The following EXOC4 variants were observed in gnomAD, a reference collection of about 807,000 sequenced individuals.
The protein encoded by EXOC4 is exocyst complex component 4.
EXOC4 carries 71 observed loss-of-function variants against 107.2 expected under a neutral mutation model. The observed-to-expected ratio is 0.66, with a 90% CI of 0.55 to 0.81. EXOC4 has a LOEUF of 0.81. Ranked by LOEUF, EXOC4 falls within the 30% of genes least tolerant of loss-of-function variation. The probability of loss-of-function intolerance (pLI) is 0.00; values close to 1 mark genes in which losing one functional copy is unlikely to be tolerated. For synonymous variants in EXOC4, 456 were observed against 441.2 expected (o/e 1.03, Z -0.42); for missense variants, 1,108 against 1,189.6 (o/e 0.93, Z 1.01).
At chr7:133,339,963 A>G (rs1367711253) in intron 5 of EXOC4, among the ~76,000 whole-genome samples, 1 of 152,202 alleles carries the variant, frequency 6.6e-6, no homozygotes, top group Non-Finnish European at 1.5e-5. Flanking sequence ...GAACACGGAC[A>G]GTTTCACTTC....
At chr7:133,454,992 G>A (rs1319110101) in intron 7 of EXOC4, among the ~76,000 whole-genome samples, 5 of 152,034 alleles carry the variant, frequency 3.3e-5, no homozygotes, top group African/African-American at 1.2e-4. Context: ...AGGCTGAGGC[G>A]GGAGGATTGC....
At chr7:134,008,370 A>G (rs1260507498) in intron 17 of EXOC4, among the ~76,000 whole-genome samples, 1 of 152,190 alleles carries the variant, frequency 6.6e-6, no homozygotes, top group Non-Finnish European at 1.5e-5. Context: ...ACGTTCGTTA[A>G]TACTCCTTGA....
chr7:133,656,385 ATG>A (rs558484372), intron 10 of EXOC4, among the ~76,000 whole-genome samples: 15,212 of 152,120 alleles, frequency 0.1, 925 homozygotes, highest in African/African-American at 0.16. Context: ...GTATGTATGT[ATG>A]TATGTATATC....
At chr7:134,082,166 G>A in the EXOC4 span, among the ~76,000 whole-genome samples, 2 of 114,782 alleles carry the variant, frequency 1.7e-5, no homozygotes, top group Non-Finnish European at 3.4e-5. Context: ...CAGCCCTGAG[G>A]GCTGCTGGTT....
chr7:133,424,812 TAAGAG>T (rs1415108519), intron 7 of EXOC4, among the ~76,000 whole-genome samples: 1 of 152,182 alleles, frequency 6.6e-6, no homozygotes, highest in Non-Finnish European at 1.5e-5. Context: ...AAGCTAAACT[TAAGAG>T]AGAGGGAGAT....
intron 17 of EXOC4, among the ~76,000 whole-genome samples, chr7:134,041,337 G>A (rs546780621): frequency 3.3e-5 from 5 of 152,068 alleles, no homozygotes; most frequent in Admixed American, 1.3e-4. Context: ...ATGGCATAAG[G>A]TTTAGATAAT....
chr7:133,833,791 C>G (rs1225192040), intron 11 of EXOC4, among the ~76,000 whole-genome samples: 1 of 152,162 alleles, frequency 6.6e-6, no homozygotes, highest in Non-Finnish European at 1.5e-5. Context: ...TCTCAAACTC[C>G]TGGGCTCAAG....
At chr7:133,530,955 C>CT (rs1408923515) in intron 9 of EXOC4, among the ~76,000 whole-genome samples, 10 of 152,050 alleles carry the variant, frequency 6.6e-5, no homozygotes, top group East Asian at 1.9e-4. Flanking sequence ...TTATCCTACT[C>CT]TTTTTTTTCT....
chr7:133,584,582 T>G (rs1398622955), intron 9 of EXOC4, among the ~76,000 whole-genome samples: 1 of 136,938 alleles, frequency 7.3e-6, no homozygotes, highest in African/African-American at 2.7e-5. Flanking sequence ...CAGTTTTTTT[T>G]TTGTTTTTTT....
At chr7:134,036,671 C>A (rs1318105630) in intron 17 of EXOC4, among the ~76,000 whole-genome samples, 1 of 152,176 alleles carries the variant, frequency 6.6e-6, no homozygotes, top group Non-Finnish European at 1.5e-5. Flanking sequence ...TTCATAGATT[C>A]TAGAAGTTTC....
the EXOC4 span, among the ~76,000 whole-genome samples, chr7:134,074,397 T>C: frequency 6.6e-6 from 1 of 152,116 alleles, no homozygotes; most frequent in Admixed American, 6.5e-5. Context: ...GAGCCTGGAC[T>C]CAAGAGCAAT....
At chr7:133,796,154 A>C (rs766830056) in intron 10 of EXOC4, among the ~76,000 whole-genome samples, 1 of 152,228 alleles carries the variant, frequency 6.6e-6, no homozygotes, top group Non-Finnish European at 1.5e-5. Flanking sequence ...AATTCTACAT[A>C]ACTTTCTCCA....
intron 9 of EXOC4, among the ~76,000 whole-genome samples, chr7:133,537,307 C>G (rs937344981): frequency 7.1e-6 from 1 of 139,888 alleles, no homozygotes; most frequent in Non-Finnish European, 1.6e-5. Context: ...CCCCCCCCCC[C>G]ACCACACCTG....
chr7:133,666,152 G>A (rs1793807828), intron 10 of EXOC4, among the ~76,000 whole-genome samples: 1 of 152,124 alleles, frequency 6.6e-6, no homozygotes, highest in Non-Finnish European at 1.5e-5. Context: ...GCATCCAAGA[G>A]GGAAATAGAC....
chr7:133,459,335 G>A (rs150868989), intron 7 of EXOC4, among the ~76,000 whole-genome samples: 2 of 152,270 alleles, frequency 1.3e-5, no homozygotes, highest in Non-Finnish European at 2.9e-5. Flanking sequence ...CTCTAGTTAT[G>A]TTTACAAATG....
chr7:133,415,103 G>C (rs573568730), intron 7 of EXOC4, among the ~76,000 whole-genome samples: 4 of 152,238 alleles, frequency 2.6e-5, no homozygotes, highest in African/African-American at 9.6e-5. Context: ...GTTGTAGCAT[G>C]TATCAGTACT....
intron 9 of EXOC4, among the ~76,000 whole-genome samples, chr7:133,568,138 A>G (rs950946047): frequency 6.6e-6 from 1 of 152,146 alleles, no homozygotes; most frequent in Non-Finnish European, 1.5e-5. Context: ...GCACGTTTTC[A>G]TATATTGAAG....
chr7:133,750,184 C>T (rs1795766957), intron 10 of EXOC4, among the ~76,000 whole-genome samples: 1 of 151,960 alleles, frequency 6.6e-6, no homozygotes, highest in Non-Finnish European at 1.5e-5. Flanking sequence ...TCCACTACAT[C>T]CACTTCCCAT....
At chr7:133,711,572 G>A (rs1794894153) in intron 10 of EXOC4, among the ~76,000 whole-genome samples, 1 of 152,118 alleles carries the variant, frequency 6.6e-6, no homozygotes. Flanking sequence ...GTCAATCTGG[G>A]GTGTAGTTGT....
Sources: gnomAD v4.1 joint callset for allele counts (sites outside exome capture counted in the v4.1 genomes callset) on GRCh38, gnomAD v4.1.1 for gene constraint, MANE v1.5 for transcripts, NCBI Gene and HGNC (gene_info 2026-07-23, HGNC 2026-07-21) for gene names.